CNTN5: variants seen among roughly 807,000 people sequenced by gnomAD.
The protein encoded by CNTN5 is contactin 5.
Under a neutral mutation model 129.1 loss-of-function variants are expected in CNTN5, and 77 were observed. The observed-to-expected ratio is 0.60, with a 90% CI of 0.50 to 0.72. The LOEUF (loss-of-function observed/expected upper bound fraction) is 0.72. CNTN5 is among the 30% of genes least tolerant of loss of function. The pLI is 0.00. For synonymous variants in CNTN5, 509 were observed against 465.6 expected, an observed-to-expected ratio of 1.09 and a Z score of -1.20; for missense variants, 1,478 against 1,328.8, an observed-to-expected ratio of 1.11 and a Z score of -1.75.
At chr11:99,590,601 G>A (rs1274347641) in intron 3 of CNTN5, among the ~76,000 whole-genome samples, 1 of 152,230 alleles carries the variant, frequency 6.6e-6, no homozygotes, top group Non-Finnish European at 1.5e-5. Context: ...ATGTGTTGTA[G>A]ATATGTGTCA....
Position 100,357,709 on chromosome 11 carries a change from T to G in CNTN5, c.*1489T>G, listed in dbSNP as rs2139054918. The G allele has an allele frequency of 6.6e-6, 1 of 151,866 alleles. No individual in the cohort carries two copies. The highest frequency in any genetic ancestry group is 6.6e-5 in the Admixed American group (1 of 15,200). 9.4% of individuals were successfully genotyped at this position (151,866 alleles called of 1,614,324 possible). A position where few individuals can be genotyped will look rare whatever the true frequency, so the allele number is the denominator to read the frequency against. On this transcript the variant is annotated 3_prime_UTR_variant, in exon 25 of 25. Transcript: ENST00000524871. The stretch of plus-strand genomic sequence containing the variant: ...AACTTGTTAACTGTATTTGCTTCAT[T>G]AATAACAAGCAAAATGAAACAATAT...
chr11:99,541,539 T>C (rs970032179), intron 2 of CNTN5, among the ~76,000 whole-genome samples: 9 of 152,136 alleles, frequency 5.9e-5, no homozygotes, highest in Non-Finnish European at 1.3e-4. Context: ...TGGACTGACC[T>C]GCAGCTCTGA....
At chr11:99,532,117 A>G (rs1360634507) in intron 2 of CNTN5, among the ~76,000 whole-genome samples, 11 of 151,974 alleles carry the variant, frequency 7.2e-5, no homozygotes, top group Admixed American at 7.2e-4. Context: ...GGGAGGCTAT[A>G]CCCTGCAAAG....
chr11:99,698,931 TTGATTC>T (rs1954394362), intron 3 of CNTN5, among the ~76,000 whole-genome samples: 1 of 148,660 alleles, frequency 6.7e-6, no homozygotes, highest in Non-Finnish European at 1.5e-5. Context: ...AAAAAAAAAC[TTGATTC>T]TGAGGAGAGT....
In CNTN5 at chr11:99,048,079, C is replaced by G. The variant is rs915659574; in HGVS notation, c.-210+26809C>G. Among the ~76,000 whole-genome samples, 2 of 151,418 alleles carry G rather than the reference C, an allele frequency of 1.3e-5. 1 individual carries two copies. The highest frequency in any genetic ancestry group is 6.4e-3 in the Middle Eastern group (2 of 314). On this transcript the variant is annotated intron_variant, in intron 1 of 24. Transcript: ENST00000524871. ...ATTCACAGACGTATATACTCTAAAGCTTAAAAAAAAATCATGGCATCCTAT... is the reference window on the plus strand; with the variant it reads ...ATTCACAGACGTATATACTCTAAAGGTTAAAAAAAAATCATGGCATCCTAT...
intron 21 of CNTN5, among the ~76,000 whole-genome samples, chr11:100,324,034 A>G (rs1009276725): frequency 1.3e-5 from 2 of 152,184 alleles, no homozygotes; most frequent in Non-Finnish European, 2.9e-5. Context: ...TTAAATTAAG[A>G]TATATTAAAC....
At chr11:99,180,047 T>G (rs1857972837) in intron 1 of CNTN5, among the ~76,000 whole-genome samples, 1 of 152,168 alleles carries the variant, frequency 6.6e-6, no homozygotes, top group Non-Finnish European at 1.5e-5. Flanking sequence ...TTCGACCTAG[T>G]AAGTTCCTGT....
intron 13 of CNTN5, among the ~76,000 whole-genome samples, chr11:100,131,870 C>G (rs1946389356): frequency 6.6e-6 from 1 of 151,934 alleles, no homozygotes; most frequent in Non-Finnish European, 1.5e-5. Context: ...TGATAAGGGC[C>G]ATGATAGAAG....
chr11:100,049,661 A>G (rs1400753776), intron 9 of CNTN5, among the ~76,000 whole-genome samples: 2 of 152,318 alleles, frequency 1.3e-5, no homozygotes, highest in East Asian at 3.9e-4. Context: ...GCACAGCAAA[A>G]GAAACTACCA....
chr11:99,697,282 A>G (rs1193660614), intron 3 of CNTN5, among the ~76,000 whole-genome samples: 1 of 151,700 alleles, frequency 6.6e-6, no homozygotes, highest in Non-Finnish European at 1.5e-5. Flanking sequence ...TAGAGTGTGG[A>G]GAAGGATGGG....
chr11:99,711,084 C>A (rs1341727045), intron 3 of CNTN5, among the ~76,000 whole-genome samples: 1 of 151,864 alleles, frequency 6.6e-6, no homozygotes, highest in South Asian at 2.1e-4. Flanking sequence ...TATATAATAA[C>A]TTCTAAATTT....
chr11:99,194,049 GA>G (rs1434946705), intron 1 of CNTN5, among the ~76,000 whole-genome samples: 1 of 152,110 alleles, frequency 6.6e-6, no homozygotes, highest in East Asian at 1.9e-4. Context: ...CTAGTTTTTA[GA>G]AAATGTAATT....
Position 99,228,731 on chromosome 11 carries a change from C to T in CNTN5, c.-209-96615C>T, listed in dbSNP as rs1860825050. Among the ~76,000 whole-genome samples the T allele has an allele frequency of 2.6e-5, 4 of 151,864 alleles. No individual in the cohort carries two copies. The South Asian group carries it at 8.3e-4, about 32-fold the overall frequency. ...AGAGATTTTTTCCTAAGTTCATATGCTATTTAAATTGTTTTGTTTTTAATA... is the reference window on the plus strand; with the variant it reads ...AGAGATTTTTTCCTAAGTTCATATGTTATTTAAATTGTTTTGTTTTTAATA... On this transcript the variant is annotated intron_variant, in intron 1 of 24. Transcript: ENST00000524871.
At chr11:99,825,343 T>G (rs901873160) in intron 4 of CNTN5, among the ~76,000 whole-genome samples, 10 of 152,076 alleles carry the variant, frequency 6.6e-5, no homozygotes. Context: ...CTATAGTGAT[T>G]ATCACTAATG....
chr11:99,349,811 G>C (rs1938163578), intron 2 of CNTN5, among the ~76,000 whole-genome samples: 1 of 152,122 alleles, frequency 6.6e-6, no homozygotes, highest in African/African-American at 2.4e-5. Context: ...ATAAAACAAG[G>C]ATACATCTCT....
chr11:99,036,601 T>C (rs965380030), intron 1 of CNTN5, among the ~76,000 whole-genome samples: 1 of 152,138 alleles, frequency 6.6e-6, no homozygotes, highest in African/African-American at 2.4e-5. Flanking sequence ...GAAGTAGTAT[T>C]GCTAGGTCAT....
intron 2 of CNTN5, among the ~76,000 whole-genome samples, chr11:99,329,842 T>A (rs1865927992): frequency 1.3e-5 from 2 of 151,910 alleles, no homozygotes; most frequent in South Asian, 2.1e-4. Context: ...GTGAATACTA[T>A]CTCATTTTTG....
intron 6 of CNTN5, among the ~76,000 whole-genome samples, chr11:99,855,967 T>C (rs1364416838): frequency 6.6e-6 from 1 of 152,182 alleles, no homozygotes; most frequent in Non-Finnish European, 1.5e-5. Flanking sequence ...TTTCCATAAT[T>C]CTCTAACATC....
chr11:99,987,134 G>GCCAC (rs1226732389), intron 8 of CNTN5, among the ~76,000 whole-genome samples: 1 of 151,980 alleles, frequency 6.6e-6, no homozygotes, highest in Non-Finnish European at 1.5e-5. Flanking sequence ...TAGCTCCTAT[G>GCCAC]CCACCTGTCA....
Sources: gnomAD v4.1 joint callset for allele counts (sites outside exome capture counted in the v4.1 genomes callset) on GRCh38, gnomAD v4.1.1 for gene constraint, MANE v1.5 for transcripts, NCBI Gene and HGNC (gene_info 2026-07-23, HGNC 2026-07-21) for gene names.